Variants in CCZ1 observed in about 807,000 individuals in gnomAD.
The protein encoded by CCZ1 is CCZ1 vacuolar protein trafficking and biogenesis associated.
In CCZ1, 19 loss-of-function variants were observed where a neutral mutation model predicts 57.8. That is an observed-to-expected ratio of 0.33 (90% CI 0.23 to 0.48). The LOEUF (loss-of-function observed/expected upper bound fraction) is 0.48. Ranked by LOEUF, CCZ1 falls within the 20% of genes least tolerant of loss-of-function variation. The pLI is 0.99. For synonymous variants in CCZ1, 81 were observed against 167.0 expected, an observed-to-expected ratio of 0.49 and a Z score of 3.97; for missense variants, 200 against 492.0, an observed-to-expected ratio of 0.41 and a Z score of 5.61.
chr7:5,902,742 C>G lies in CCZ1; in HGVS notation c.520C>G (p.Arg174Gly). 2 of 1,592,038 alleles carry G rather than the reference C, an allele frequency of 1.3e-6. No homozygotes were observed. Among genetic ancestry groups the G allele is most frequent in the Non-Finnish European group, 1.7e-6 (2 of 1,175,898 alleles). Residue 174 changes from arginine to glycine, a missense_variant and splice_region_variant, in exon 6 of 15, where the codon CGG becomes GGG. Transcript: ENST00000325974. Reference sequence around the variant, plus strand: ...AGAAAGATTAGAGAAATTCTTCCATCGGGTAAGTATTTTGAATTTCATTTA... The same window carrying G: ...AGAAAGATTAGAGAAATTCTTCCATGGGGTAAGTATTTTGAATTTCATTTA... ...LKERLEKFFHRYLQTLHLQSC... is the reference protein window; with the variant it reads ...LKERLEKFFHGYLQTLHLQSC...
intron 10 of CCZ1, among the ~76,000 whole-genome samples, chr7:5,914,496 A>G (rs560534490): frequency 5.3e-4 from 79 of 149,010 alleles, no homozygotes; most frequent in African/African-American, 1.9e-3. Context: ...TGACAGTGGA[A>G]GAGAGACTTT....
At position 5,898,754 on chromosome 7, in the gene CCZ1, C is replaced by G. The variant is rs1203052155; in HGVS notation, c.-46C>G. 8 of 366,798 alleles carry G rather than the reference C, an allele frequency of 2.2e-5. No individual in the cohort carries two copies. The highest frequency in any genetic ancestry group is 1.4e-4 in the African/African-American group (5 of 36,526). The allele number at this position is 366,798 out of a possible 1,614,324, so 22.7% of individuals were successfully genotyped here. ...CGGTGTTTTAGCCGGTGGCTGCTGTCTCTGGGCGGGCCGTGGGAGGCTCCC... is the reference window on the plus strand; with the variant it reads ...CGGTGTTTTAGCCGGTGGCTGCTGTGTCTGGGCGGGCCGTGGGAGGCTCCC... On this transcript the variant is annotated 5_prime_UTR_variant, in exon 1 of 15. Transcript: ENST00000325974.
chr7:5,907,112 T>C lies in CCZ1; in HGVS notation c.698+1843T>C, dbSNP rs139960947. ...CTGACCTCAAAGGATCCGCCCACCT[T>C]GGCCTCCCAGTGCTGGGATTACAGG... On this transcript the variant is annotated intron_variant, in intron 7 of 14. Transcript: ENST00000325974. 3.0e-4 allele frequency among the ~76,000 whole-genome samples: 44 copies of C among 148,376 alleles called. 2 individuals carry two copies. Among genetic ancestry groups the C allele is most frequent in the East Asian group, 6.8e-4 (3 of 4,394 alleles).
At chr7:5,909,404 A>C (rs917204263) in intron 7 of CCZ1, among the ~76,000 whole-genome samples, 1 of 150,708 alleles carries the variant, frequency 6.6e-6, no homozygotes, top group African/African-American at 2.5e-5. Flanking sequence ...ATCTCTTGAA[A>C]AATGAAAAAA....
chr7:5,905,361 C>T, intron 7 of CCZ1, 92 bp downstream of exon 7: 1 of 703,658 alleles, frequency 1.4e-6, no homozygotes, highest in Non-Finnish European at 2.3e-6. Context: ...CAAACAGGAA[C>T]TTGCAGCGGG....
rs940924565 is a variant in CCZ1 at position 5,910,848 on chromosome 7, G to T, written c.780+732G>T. 1.2e-4 allele frequency among the ~76,000 whole-genome samples: 17 copies of T among 147,224 alleles called. 2 individuals carry two copies. The highest frequency in any genetic ancestry group is 4.3e-4 in the African/African-American group (17 of 39,604). On this transcript the variant is annotated intron_variant, in intron 8 of 14. Coordinates refer to ENST00000325974, the MANE Select transcript of CCZ1 (RefSeq NM_015622.6). ...CTTCCTGGATTCAAACAATTCTCCG[G>T]CCTCAGGCTCCCGAGTAGCTGAGAT...
intron 4 of CCZ1, chr7:5,901,371 G>C: frequency 3.5e-6 from 1 of 289,616 alleles, no homozygotes; most frequent in South Asian, 6.3e-5. Context: ...TGTCATCCCG[G>C]CTTCTCAGGA....
chr7:5,926,459 G>GAC lies in CCZ1; in HGVS notation c.*775_*776dup, dbSNP rs763291227. 8.3e-5 allele frequency: 132 copies of GAC among 1,586,174 alleles called. No individual in the cohort carries two copies. The highest frequency in any genetic ancestry group is 1.1e-4 in the Non-Finnish European group (123 of 1,159,480). Reference sequence around the variant, plus strand: ...AGGGTCCAGTATGAGGTGAGAGGATGACACGTCTGCCGGCTCCTTGAGCAC... The same window carrying GAC: ...AGGGTCCAGTATGAGGTGAGAGGATGACACACGTCTGCCGGCTCCTTGAGCAC... On this transcript the variant is annotated 3_prime_UTR_variant, in exon 15 of 15. Coordinates refer to ENST00000325974, the MANE Select transcript of CCZ1 (RefSeq NM_015622.6).
At chr7:5,900,772 C>A in intron 3 of CCZ1, 83 bp from the exon 4 acceptor site, 1 of 1,578,492 alleles carries the variant, frequency 6.3e-7, no homozygotes, top group Admixed American at 2.0e-5. Flanking sequence ...GATGCTGTAG[C>A]ATGTTCAAAG....
chr7:5,907,600 G>A (rs1781863830), intron 7 of CCZ1, among the ~76,000 whole-genome samples: 1 of 146,154 alleles, frequency 6.8e-6, no homozygotes, highest in Non-Finnish European at 1.5e-5. Context: ...GAGCCAGAGT[G>A]ACCAGCAGGG....
In CCZ1 at chr7:5,905,775, T is replaced by TTTTTTTTTTTTTG. The variant is rs1451891497; in HGVS notation, c.698+506_698+507insTTTTTTTTTTTTG. On this transcript the variant is annotated intron_variant, in intron 7 of 14. Transcript: ENST00000325974. ...CCAGCCTGGCAACAGAGAGAGACTC[T>TTTTTTTTTTTTTG]GTCTCCAAAAAAAAAAAAAAAAAAA... Among the ~76,000 whole-genome samples the TTTTTTTTTTTTTG allele has an allele frequency of 4.0e-5, 3 of 74,624 alleles. 1 individual carries two copies. In the East Asian group the frequency reaches 1.8e-3, roughly 46 times the overall value. The allele number at this position is 74,624 out of a possible 152,430, so 49.0% of individuals were successfully genotyped here. A position where few individuals can be genotyped will look rare whatever the true frequency, so the allele number is the denominator to read the frequency against.
chr7:5,910,797 G>T (rs1236186454), intron 8 of CCZ1, among the ~76,000 whole-genome samples: 7 of 147,100 alleles, frequency 4.8e-5, no homozygotes, highest in East Asian at 4.5e-4. Context: ...GTGCAGTAGT[G>T]CAATCTCAGC....
chr7:5,903,058 C>A lies in CCZ1; in HGVS notation c.522+314C>A, dbSNP rs1453028244. Among the ~76,000 whole-genome samples, 5 of 148,308 alleles carry A rather than the reference C, an allele frequency of 3.4e-5. 1 individual carries two copies. Among genetic ancestry groups the A allele is most frequent in the African/African-American group, 1.2e-4 (5 of 40,166 alleles). ...CCTTCTGGGCTTACTCAGCAGCCAT[C>A]TTTTGTGTGATAGATTAGTTGATAA... On this transcript the variant is annotated intron_variant, in intron 6 of 14. Transcript: ENST00000325974.
intron 5 of CCZ1, 170 bp from the exon 6 acceptor site, chr7:5,902,491 T>G: frequency 8.2e-7 from 1 of 1,221,214 alleles, no homozygotes; most frequent in Non-Finnish European, 1.1e-6. Context: ...CAGTATTTTT[T>G]GTAACTTACA....
In CCZ1 at chr7:5,909,567, C is replaced by T. The variant is rs543627573; in HGVS notation, c.699-468C>T. 1.4e-4 allele frequency among the ~76,000 whole-genome samples: 21 copies of T among 145,300 alleles called. 1 individual carries two copies. Among genetic ancestry groups the T allele is most frequent in the African/African-American group, 3.6e-4 (14 of 39,084 alleles). ...AAATACAAAAATTAGCTGATGGTGG[C>T]GCATGCCTGTAGTCCCAGCTAGTCT... On this transcript the variant is annotated intron_variant, in intron 7 of 14. Coordinates refer to ENST00000325974, the MANE Select transcript of CCZ1 (RefSeq NM_015622.6).
intron 6 of CCZ1, among the ~76,000 whole-genome samples, chr7:5,903,748 C>A (rs1781737452): frequency 6.8e-6 from 1 of 147,848 alleles, no homozygotes; most frequent in Middle Eastern, 3.5e-3. Context: ...GATCCCACCA[C>A]TTTGGGAGGC....
Position 5,914,097 on chromosome 7 carries a change from C to T in CCZ1, c.954+1143C>T, listed in dbSNP as rs985592598. Among the ~76,000 whole-genome samples, 16 of 147,102 alleles carry T rather than the reference C, an allele frequency of 1.1e-4. 1 individual carries two copies. The highest frequency in any genetic ancestry group is 4.0e-4 in the African/African-American group (16 of 39,692). The stretch of plus-strand genomic sequence containing the variant: ...CTCGAAAGAAACATGATTCCGAGGA[C>T]AGACAAGAACTTTAAAAATTAGTAT... On this transcript the variant is annotated intron_variant, in intron 10 of 14. Transcript: ENST00000325974.
At chr7:5,902,806 T>G in intron 6 of CCZ1, 62 bp downstream of exon 6, 1 of 1,554,630 alleles carries the variant, frequency 6.4e-7, no homozygotes, top group Non-Finnish European at 8.6e-7. Flanking sequence ...TAGAGAAATA[T>G]AGACAGACAA....
intron 6 of CCZ1, among the ~76,000 whole-genome samples, chr7:5,904,340 C>T (rs1189543730): frequency 1.4e-5 from 2 of 143,528 alleles, no homozygotes; most frequent in Non-Finnish European, 3.0e-5. Flanking sequence ...CCCGCCTTGG[C>T]CTCCCAAAGG....
Sources: gnomAD v4.1 joint callset for allele counts (sites outside exome capture counted in the v4.1 genomes callset) on GRCh38, gnomAD v4.1.1 for gene constraint, MANE v1.5 for transcripts, NCBI Gene and HGNC (gene_info 2026-07-23, HGNC 2026-07-21) for gene names.